The following SLC45A1 variants were observed in gnomAD, a reference collection of about 807,000 sequenced individuals.
The protein encoded by SLC45A1 is solute carrier family 45 member 1, also known as proton-associated sugar transporter A.
A neutral mutation model predicts 57.6 loss-of-function variants in SLC45A1; 28 were observed. That is an observed-to-expected ratio of 0.49 (90% CI 0.36 to 0.67). SLC45A1 has a LOEUF of 0.67. Ranked by LOEUF, SLC45A1 falls within the 30% of genes least tolerant of loss-of-function variation. The pLI is 0.00. For synonymous variants in SLC45A1, 459 were observed against 471.5 expected (o/e 0.97, Z 0.34); for missense variants, 814 against 1,041.5 (o/e 0.78, Z 3.01).
intron 1 of SLC45A1, among the ~76,000 whole-genome samples, chr1:8,318,499 G>A (rs1639893104): frequency 6.6e-6 from 1 of 152,242 alleles, no homozygotes; most frequent in Non-Finnish European, 1.5e-5. Context: ...CCGGAGGCCT[G>A]GTCCCTAGTC....
chr1:8,319,712 G>T (rs1486191480), intron 1 of SLC45A1, among the ~76,000 whole-genome samples: 5 of 151,938 alleles, frequency 3.3e-5, no homozygotes, highest in Non-Finnish European at 5.9e-5. Flanking sequence ...ATGGATTTTT[G>T]TTGTTGTTGT....
rs1028832299 is a variant in SLC45A1, at chr1:8,327,756, C to T, written c.715+1714C>T. 2.0e-5 allele frequency among the ~76,000 whole-genome samples: 3 copies of T among 152,170 alleles called. No homozygotes were observed. The highest frequency in any genetic ancestry group is 2.9e-5 in the Non-Finnish European group (2 of 68,038). The stretch of plus-strand genomic sequence containing the variant: ...ATTTAAAATAGCAACTGGGGCTGGG[C>T]GTGGTGGCTCATGCCTGTAACCCCA... On this transcript the variant is annotated intron_variant, in intron 4 of 8. Coordinates refer to ENST00000471889, the MANE Select transcript of SLC45A1 (RefSeq NM_001080397.3). The surrounding 1 kb of genome is among the most constrained non-coding windows in gnomAD (Gnocchi z 4.3).
rs1324488849 is a variant in SLC45A1 at position 8,330,155 on chromosome 1, G to A, written c.716-54G>A. 2.4e-5 allele frequency: 38 copies of A among 1,584,258 alleles called. No homozygotes were observed. The highest frequency in any genetic ancestry group is 1.1e-4 in the African/African-American group (8 of 73,898). On this transcript the variant is annotated intron_variant, in intron 4 of 8. Coordinates refer to ENST00000471889, the MANE Select transcript of SLC45A1 (RefSeq NM_001080397.3). This position sits in a 1 kb window ranked among gnomAD's most constrained non-coding sequence, Gnocchi z 8.4. ...GTCCTTCTAAGAACGGGGCCACCGC[G>A]TTTGGGGCTTCTCCTCCCGCAGAAG...
chr1:8,329,219 A>G (rs959760613), intron 4 of SLC45A1, among the ~76,000 whole-genome samples: 1 of 152,252 alleles, frequency 6.6e-6, no homozygotes, highest in Non-Finnish European at 1.5e-5. Flanking sequence ...TGTCCATAGA[A>G]GTTCTTATTT....
chr1:8,335,170 G>A lies in SLC45A1; in HGVS notation c.1444-267G>A, dbSNP rs944710199. On this transcript the variant is annotated intron_variant, in intron 5 of 8. Coordinates refer to ENST00000471889, the MANE Select transcript of SLC45A1 (RefSeq NM_001080397.3). The surrounding 1 kb of genome is among the most constrained non-coding windows in gnomAD (Gnocchi z 4.1). ...TTTGCAAAGTCTTATCTCACTCCCT[G>A]TGGCACAGATAGTGTCCTGTGGCCA... is the stretch of plus-strand genomic sequence containing the variant. Among the ~76,000 whole-genome samples, 4 of 152,188 alleles carry A rather than the reference G, an allele frequency of 2.6e-5. No homozygotes were observed. Among genetic ancestry groups the A allele is most frequent in the African/African-American group, 4.8e-5 (2 of 41,448 alleles).
chr1:8,338,789 A>T (rs541030237), intron 7 of SLC45A1, among the ~76,000 whole-genome samples: 314 of 152,158 alleles, frequency 2.1e-3, no homozygotes, highest in African/African-American at 4.8e-3. Context: ...TTTTTTTTTT[A>T]AATTTACAAA....
At chr1:8,336,707 CTG>C (rs911712728) in intron 6 of SLC45A1, among the ~76,000 whole-genome samples, 8 of 152,204 alleles carry the variant, frequency 5.3e-5, no homozygotes, top group South Asian at 2.1e-4. Flanking sequence ...TGCACCCACA[CTG>C]TGAAATATTT....
intron 8 of SLC45A1, among the ~76,000 whole-genome samples, chr1:8,340,915 G>A (rs1375076201): frequency 2.6e-5 from 4 of 152,080 alleles, no homozygotes; most frequent in Admixed American, 6.6e-5. Flanking sequence ...AGAGGGGTCC[G>A]GGCGTGGTGG....
At chr1:8,334,817 C>A (rs1319103676) in intron 5 of SLC45A1, among the ~76,000 whole-genome samples, 2 of 152,184 alleles carry the variant, frequency 1.3e-5, no homozygotes, top group Non-Finnish European at 2.9e-5. Context: ...GAGGAGTTTG[C>A]AAACCGAGTG....
chr1:8,324,208 T>C (rs6702047), intron 1 of SLC45A1, 98 bp from the exon 2 acceptor site: 1,064,816 of 1,070,814 alleles, frequency 0.99, 529,654 homozygotes, highest in East Asian at 1. Context: ...TTTCGGGGGA[T>C]GGTGTTTGAC....
Position 8,324,303 on chromosome 1 carries a change from C to A in SLC45A1, c.-24-3C>A, listed in dbSNP as rs1032693332. On this transcript the variant is annotated splice_region_variant and splice_polypyrimidine_tract_variant and intron_variant, in intron 1 of 8. Transcript: ENST00000471889. The stretch of plus-strand genomic sequence containing the variant: ...GTGGCCTCCCCACGGGCTTTCCTCA[C>A]AGGGACGCCCACCAGCCCTCCCCAC... 4.4e-6 allele frequency: 7 copies of A among 1,603,526 alleles called. No individual in the cohort carries two copies. Among genetic ancestry groups the A allele is most frequent in the Non-Finnish European group, 5.1e-6 (6 of 1,174,062 alleles).
intron 8 of SLC45A1, among the ~76,000 whole-genome samples, chr1:8,342,099 C>G (rs1212590192): frequency 6.7e-6 from 1 of 149,204 alleles, no homozygotes; most frequent in Non-Finnish European, 1.5e-5. Flanking sequence ...CCCAGCTACT[C>G]TGGAGGCTGA....
intron 1 of SLC45A1, among the ~76,000 whole-genome samples, chr1:8,320,778 A>C (rs1405934688): frequency 6.6e-6 from 1 of 151,848 alleles, no homozygotes; most frequent in Non-Finnish European, 1.5e-5. Context: ...AAACTGGGCC[A>C]CAGTTCTTCA....
Position 8,339,676 on chromosome 1 carries a change from GCGATTA to G in SLC45A1, c.1960_1965del (p.Asp654_Tyr655del). 1 of 1,614,162 alleles carries G rather than the reference GCGATTA, an allele frequency of 6.2e-7. No homozygotes were observed. On this transcript the variant is annotated inframe_deletion, in exon 8 of 9. Transcript: ENST00000471889. ...TGCACCTTGCCTTACTCGCTGCTCTGCGATTACTATCAGAGTAAGAAGGTAAGTGCT... is the reference window on the plus strand; with the variant it reads ...TGCACCTTGCCTTACTCGCTGCTCTGCTATCAGAGTAAGAAGGTAAGTGCT...
At chr1:8,319,336 T>TG (rs1280284209) in intron 1 of SLC45A1, among the ~76,000 whole-genome samples, 2 of 152,242 alleles carry the variant, frequency 1.3e-5, no homozygotes, top group East Asian at 3.9e-4. Context: ...GGCAACCCCG[T>TG]GGGGGGAGCT....
In SLC45A1 at chr1:8,324,688, A is replaced by G. The variant is rs1375384367; in HGVS notation, c.359A>G (p.Gln120Arg). 1.3e-6 allele frequency: 2 copies of G among 1,595,166 alleles called. No homozygotes were observed. The highest frequency in any genetic ancestry group is 1.7e-6 in the Non-Finnish European group (2 of 1,170,932). Residue 120 changes from glutamine to arginine, a missense_variant, in exon 2 of 9, where the codon CAG becomes CGG. By Grantham distance (43) the Gln-to-Arg change is conservative (BLOSUM62 1). Coordinates refer to ENST00000471889, the MANE Select transcript of SLC45A1 (RefSeq NM_001080397.3). ...CTCCTGCAGATGGGCCTGCCCGACCAGCTCTACAGCCTGGTGTGGTTCATC... is the reference window on the plus strand; with the variant it reads ...CTCCTGCAGATGGGCCTGCCCGACCGGCTCTACAGCCTGGTGTGGTTCATC... The part of the protein sequence containing the change: ...PVLLQMGLPD[Q>R]LYSLVWFISP...
chr1:8,337,781 G>A, intron 6 of SLC45A1, 35 bp from the exon 7 acceptor site: 1 of 1,595,520 alleles, frequency 6.3e-7, no homozygotes, highest in East Asian at 2.2e-5. Context: ...GTTGGCCTTT[G>A]CCCCCGAGGT....
Position 8,324,762 on chromosome 1 carries a change from C to T in SLC45A1, c.397+36C>T, listed in dbSNP as rs115332835. On this transcript the variant is annotated intron_variant, in intron 2 of 8. Coordinates refer to ENST00000471889, the MANE Select transcript of SLC45A1 (RefSeq NM_001080397.3). ...GCTCCTCCCCGATGGTGGAGGGCCTCTGGAAGCCTCCAGAAGCCTCATCGC... is the reference window on the plus strand; with the variant it reads ...GCTCCTCCCCGATGGTGGAGGGCCTTTGGAAGCCTCCAGAAGCCTCATCGC... The T allele has an allele frequency of 1.1e-3, 1,723 of 1,527,688 alleles. 10 individuals carry two copies. In the African/African-American group the frequency reaches 0.021, roughly 18 times the overall value. The allele number at this position is 1,527,688 out of a possible 1,614,324, so 94.6% of individuals were successfully genotyped here.
At position 8,324,498 on chromosome 1, in the gene SLC45A1, C is replaced by T. The variant is rs770745558; in HGVS notation, c.169C>T (p.Arg57Cys). The change falls in exon 2 of 9, where the codon CGT becomes TGT. Residue 57 changes from arginine to cysteine, a missense_variant. Coordinates refer to ENST00000471889, the MANE Select transcript of SLC45A1 (RefSeq NM_001080397.3). ...ACACCCCAAGAGGAGGAAGTGCATTCGTCCCTCCCCACCCCCGCCCCCCAA... is the reference window on the plus strand; with the variant it reads ...ACACCCCAAGAGGAGGAAGTGCATTTGTCCCTCCCCACCCCCGCCCCCCAA... ...KRHPKRRKCI[R>C]PSPPPPPNTP... 27 of 1,612,308 alleles carry T rather than the reference C, an allele frequency of 1.7e-5. No homozygotes were observed. Among genetic ancestry groups the T allele is most frequent in the Middle Eastern group, 1.6e-4 (1 of 6,084 alleles).
Sources: gnomAD v4.1 joint callset for allele counts (sites outside exome capture counted in the v4.1 genomes callset) on GRCh38, gnomAD v4.1.1 for gene constraint, Gnocchi (gnomAD v3.1) non-coding constraint, MANE v1.5 for transcripts, NCBI Gene and HGNC (gene_info 2026-07-23, HGNC 2026-07-21) for gene names.